The following BDH1 variants were observed in gnomAD, a reference collection of about 807,000 sequenced individuals.
BDH1 encodes the protein 3-hydroxybutyrate dehydrogenase 1, also known as D-beta-hydroxybutyrate dehydrogenase, mitochondrial.
Under a neutral mutation model 33.1 loss-of-function variants are expected in BDH1, and 30 were observed. That is an observed-to-expected ratio of 0.91 (90% CI 0.68 to 1.23). The LOEUF (loss-of-function observed/expected upper bound fraction) is 1.23. BDH1 is among the 50% of genes most tolerant of loss of function. The pLI is 0.00. For synonymous variants in BDH1, 190 were observed against 183.6 expected, an observed-to-expected ratio of 1.03 and a Z score of -0.28; for missense variants, 443 against 464.4, an observed-to-expected ratio of 0.95 and a Z score of 0.42.
intron 7 of BDH1, among the ~76,000 whole-genome samples, chr3:197,512,949 C>A (rs1424970187): frequency 6.6e-6 from 1 of 152,140 alleles, no homozygotes; most frequent in African/African-American, 2.4e-5. Context: ...CCCGGGACAG[C>A]CCTGAAAGAG....
intron 5 of BDH1, among the ~76,000 whole-genome samples, chr3:197,524,604 A>G (rs1362797498): frequency 1.3e-5 from 2 of 152,120 alleles, no homozygotes. Context: ...AGCCACAGAG[A>G]ACAGAGCCAG....
intron 6 of BDH1, chr3:197,515,912 A>ACGCG (rs1220587315): frequency 1.0e-4 from 16 of 153,792 alleles, no homozygotes; most frequent in African/African-American, 3.2e-4. Flanking sequence ...ACACACACAC[A>ACGCG]CACGCGCGCG....
At chr3:197,535,800 T>G (rs1715104505) in intron 3 of BDH1, among the ~76,000 whole-genome samples, 1 of 152,162 alleles carries the variant, frequency 6.6e-6, no homozygotes, top group Admixed American at 6.6e-5. Flanking sequence ...ATCCCAGCGC[T>G]TTGGGAGGCT....
intron 2 of BDH1, among the ~76,000 whole-genome samples, chr3:197,547,808 T>C (rs1316188167): frequency 2.0e-5 from 3 of 152,216 alleles, no homozygotes; most frequent in Non-Finnish European, 4.4e-5. Flanking sequence ...AAGAACTCCT[T>C]GCCCACGTGA....
At chr3:197,524,794 A>C (rs1375711964) in intron 5 of BDH1, among the ~76,000 whole-genome samples, 1 of 152,074 alleles carries the variant, frequency 6.6e-6, no homozygotes, top group African/African-American at 2.4e-5. Context: ...GTACAGAGAC[A>C]ATCCCGGCAT....
At chr3:197,564,557 T>G (rs1196189612) in intron 1 of BDH1, among the ~76,000 whole-genome samples, 1 of 152,158 alleles carries the variant, frequency 6.6e-6, no homozygotes, top group East Asian at 1.9e-4. Context: ...ATCTTTAGTC[T>G]CGGTAGAAAA....
Position 197,548,588 on chromosome 3 carries a change from C to A in BDH1, c.-43-2102G>T, listed in dbSNP as rs11920608. On this transcript the variant is annotated intron_variant, in intron 2 of 7. Transcript: ENST00000392379. ...TCCCTTGGCCAGGCGTGGTGGCTCACGCCTGTAATCCCAGCACTTTGGGAG... is the reference window on the plus strand; with the variant it reads ...TCCCTTGGCCAGGCGTGGTGGCTCAAGCCTGTAATCCCAGCACTTTGGGAG... 9.3e-4 allele frequency among the ~76,000 whole-genome samples: 141 copies of A among 152,060 alleles called. 1 individual carries two copies. Among genetic ancestry groups the A allele is most frequent in the Admixed American group, 2.6e-3 (40 of 15,292 alleles).
Position 197,514,580 on chromosome 3 carries a change from G to A in BDH1, c.410-164C>T, listed in dbSNP as rs1380542727. 6.6e-6 allele frequency among the ~76,000 whole-genome samples: 1 copy of A among 152,144 alleles called. No homozygotes were observed. The highest frequency in any genetic ancestry group is 1.5e-5 in the Non-Finnish European group (1 of 68,036). On this transcript the variant is annotated intron_variant, in intron 6 of 7. Coordinates refer to ENST00000392379, the MANE Select transcript of BDH1 (RefSeq NM_203314.3). This position sits in a 1 kb window ranked among gnomAD's most constrained non-coding sequence, Gnocchi z 4.2. ...TAGAGTCACTCAGGAACGACAGGAG[G>A]TAAAGAGGCCTAAAGTGCTGACTGC...
rs976277894 is a variant in BDH1 at position 197,510,325 on chromosome 3, G to A, written c.*1570C>T. 4 of 152,316 alleles carry A rather than the reference G, an allele frequency of 2.6e-5. No individual in the cohort carries two copies. The highest frequency in any genetic ancestry group is 5.9e-5 in the Non-Finnish European group (4 of 68,122). The allele number at this position is 152,316 out of a possible 1,614,324, so 9.4% of individuals were successfully genotyped here. Reference sequence around the variant, plus strand: ...GGCTGCGGAGGAGGAGCGCCCTCTAGCGGCAGGTCCGCCCAGGGAGAGGCG... The same window carrying A: ...GGCTGCGGAGGAGGAGCGCCCTCTAACGGCAGGTCCGCCCAGGGAGAGGCG... On this transcript the variant is annotated 3_prime_UTR_variant, in exon 8 of 8. Transcript: ENST00000392379.
chr3:197,550,593 G>T (rs1716478348), intron 2 of BDH1, among the ~76,000 whole-genome samples: 1 of 152,242 alleles, frequency 6.6e-6, no homozygotes, highest in South Asian at 2.1e-4. Flanking sequence ...GTGAGAGAAT[G>T]CGAACCATGC....
In BDH1 at chr3:197,511,793, G is replaced by T; in HGVS notation, c.*102C>A. The T allele has an allele frequency of 8.6e-7, 1 of 1,162,642 alleles. No individual in the cohort carries two copies. The highest frequency in any genetic ancestry group is 1.2e-6 in the Non-Finnish European group (1 of 824,780). The allele number at this position is 1,162,642 out of a possible 1,614,324, so 72.0% of individuals were successfully genotyped here. On this transcript the variant is annotated 3_prime_UTR_variant, in exon 8 of 8. Transcript: ENST00000392379. Reference sequence around the variant, plus strand: ...AACCAGTTATGGGTCTTCCTGGCATGGTGGATAATCCACACGTGGATAATC... The same window carrying T: ...AACCAGTTATGGGTCTTCCTGGCATTGTGGATAATCCACACGTGGATAATC...
intron 1 of BDH1, among the ~76,000 whole-genome samples, chr3:197,572,874 T>TAA (rs200792359): frequency 1.3e-5 from 2 of 152,190 alleles, no homozygotes; most frequent in African/African-American, 2.4e-5. Context: ...CAAGCTGTTT[T>TAA]AAAAAACAAG....
At chr3:197,572,407 CAT>C (rs1319875315) in intron 1 of BDH1, among the ~76,000 whole-genome samples, 3 of 152,194 alleles carry the variant, frequency 2.0e-5, no homozygotes, top group African/African-American at 7.2e-5. Flanking sequence ...CACACGTACA[CAT>C]AGACATATAG....
intron 3 of BDH1, among the ~76,000 whole-genome samples, chr3:197,543,731 C>T (rs1338998466): frequency 1.3e-5 from 2 of 152,164 alleles, no homozygotes; most frequent in African/African-American, 4.8e-5. Context: ...AGGCAAAGTG[C>T]AGACCATTCA....
At chr3:197,559,156 C>T (rs145611014), upstream of BDH1, among the ~76,000 whole-genome samples, 162 of 152,130 alleles carry the variant, frequency 1.1e-3, 2 homozygotes, top group East Asian at 0.027. Context: ...CCCGCCACCA[C>T]GCCCAGCTAA....
Position 197,512,161 on chromosome 3 carries a change from T to C in BDH1, c.766A>G (p.Ile256Val), listed in dbSNP as rs1038980493. 8.7e-6 allele frequency: 14 copies of C among 1,614,210 alleles called. No homozygotes were observed. The highest frequency in any genetic ancestry group is 4.0e-5 in the African/African-American group (3 of 75,064). The change falls in exon 8 of 8, where the codon ATC becomes GTC. Residue 256 changes from isoleucine (I) to valine (V), a missense_variant. Physicochemically the swap from Ile to Val is conservative, Grantham distance 29. Coordinates refer to ENST00000392379, the MANE Select transcript of BDH1 (RefSeq NM_203314.3). Reference sequence around the variant, plus strand: ...AGCTCCTCCCACATCTTCTTGGCGATGGCCTGAATGCTCTCAGGGCTGTAA... The same window carrying C: ...AGCTCCTCCCACATCTTCTTGGCGACGGCCTGAATGCTCTCAGGGCTGTAA... ...SLYSPESIQA[I>V]AKKMWEELPE...
At chr3:197,547,519 G>A (rs1164379532) in intron 2 of BDH1, among the ~76,000 whole-genome samples, 1 of 152,252 alleles carries the variant, frequency 6.6e-6, no homozygotes, top group African/African-American at 2.4e-5. Context: ...CGTTTAATCT[G>A]TTTAATCCTC....
At chr3:197,565,506 T>G (rs1162263717) in intron 1 of BDH1, among the ~76,000 whole-genome samples, 1 of 152,162 alleles carries the variant, frequency 6.6e-6, no homozygotes, top group East Asian at 1.9e-4. Flanking sequence ...GGTATAAAAA[T>G]CATACAGGAA....
upstream of BDH1, among the ~76,000 whole-genome samples, chr3:197,559,243 G>A (rs1436675775): frequency 2.0e-5 from 3 of 151,856 alleles, no homozygotes; most frequent in South Asian, 2.1e-4. Context: ...CAGATGATCT[G>A]CCCACCTCAG....
Sources: gnomAD v4.1 joint callset for allele counts (sites outside exome capture counted in the v4.1 genomes callset) on GRCh38, gnomAD v4.1.1 for gene constraint, Gnocchi (gnomAD v3.1) non-coding constraint, MANE v1.5 for transcripts, NCBI Gene and HGNC (gene_info 2026-07-23, HGNC 2026-07-21) for gene names.